Variants in UTP20 observed in about 807,000 individuals in gnomAD.
UTP20 encodes small subunit processome component 20 homolog.
UTP20 carries 164 observed loss-of-function variants against 329.5 expected under a neutral mutation model. That is an observed-to-expected ratio of 0.50 (90% CI 0.44 to 0.57). The LOEUF (loss-of-function observed/expected upper bound fraction) is 0.57, where lower values mean the gene tolerates loss of function less well. Among genes scored for constraint, UTP20 ranks in the 20% least tolerant of loss-of-function variants. The probability of loss-of-function intolerance (pLI) is 0.00; values close to 1 mark genes in which losing one functional copy is unlikely to be tolerated. For missense variants in UTP20, 3,055 were observed against 3,284.2 expected (o/e 0.93, Z 1.71); for synonymous variants, 1,151 against 1,159.3 (o/e 0.99, Z 0.14).
At chr12:101,297,737 T>C (rs1308079997) in intron 12 of UTP20, among the ~76,000 whole-genome samples, 1 of 152,182 alleles carries the variant, frequency 6.6e-6, no homozygotes, top group African/African-American at 2.4e-5. Flanking sequence ...ATGCCAAAAC[T>C]GAGTTCTGTG....
chr12:101,352,991 A>ATTT, intron 39 of UTP20, 56 bp from the exon 40 acceptor site: 1 of 1,089,656 alleles, frequency 9.2e-7, no homozygotes, highest in Non-Finnish European at 1.3e-6. Context: ...CTCCTTTTAT[A>ATTT]ATCCAGTGAT....
At chr12:101,383,728 C>T (rs753274420) in intron 60 of UTP20, 59 bp downstream of exon 60, 19 of 1,367,958 alleles carry the variant, frequency 1.4e-5, no homozygotes, top group Non-Finnish European at 1.7e-5. Flanking sequence ...AACTTCTCTC[C>T]TGAATGTTTC....
intron 55 of UTP20, 112 bp downstream of exon 55, chr12:101,375,051 T>C (rs1369212000): frequency 1.5e-6 from 1 of 661,146 alleles, no homozygotes; most frequent in African/African-American, 1.8e-5. Flanking sequence ...TTTATAGCTA[T>C]AGCTATTTAT....
intron 16 of UTP20, 31 bp downstream of exon 16, chr12:101,306,096 G>A (rs1002573527): frequency 1.3e-6 from 2 of 1,589,838 alleles, no homozygotes; most frequent in Non-Finnish European, 8.6e-7. Context: ...TGTGTCCTCA[G>A]TCTCTCTTCT....
rs191660664 is a variant in UTP20, at chr12:101,325,505, A to G, written c.3042-1576A>G. ...CACATGAATCAAGACGGTGGCACCA[A>G]ATTCTACTAGTCATTCTTCATTGCC... On this transcript the variant is annotated intron_variant, in intron 25 of 61. Coordinates refer to ENST00000261637, the MANE Select transcript of UTP20 (RefSeq NM_014503.3). 1.7e-3 allele frequency among the ~76,000 whole-genome samples: 261 copies of G among 152,352 alleles called. 2 individuals carry two copies. The highest frequency in any genetic ancestry group is 6.1e-3 in the African/African-American group (253 of 41,582).
intron 35 of UTP20, among the ~76,000 whole-genome samples, chr12:101,344,269 G>A (rs543778659): frequency 2.0e-5 from 3 of 152,268 alleles, no homozygotes; most frequent in East Asian, 3.9e-4. Flanking sequence ...AGTAATGACC[G>A]GATACTGAAT....
intron 47 of UTP20, among the ~76,000 whole-genome samples, chr12:101,367,417 C>G (rs1164440887): frequency 1.3e-5 from 2 of 152,184 alleles, no homozygotes; most frequent in Non-Finnish European, 1.5e-5. Flanking sequence ...GCTTCCCTTC[C>G]CATCTAGAAA....
intron 15 of UTP20, among the ~76,000 whole-genome samples, chr12:101,303,461 C>T (rs542229460): frequency 9.2e-5 from 14 of 152,196 alleles, no homozygotes; most frequent in African/African-American, 2.6e-4. Context: ...AAGCAGAAGG[C>T]GGAAAGCAGT....
intron 50 of UTP20, 127 bp downstream of exon 50, chr12:101,370,690 A>G: frequency 9.2e-7 from 1 of 1,085,892 alleles, no homozygotes; most frequent in Non-Finnish European, 1.3e-6. Flanking sequence ...AAAGATTATT[A>G]TGATTTTGGT....
intron 5 of UTP20, among the ~76,000 whole-genome samples, chr12:101,288,586 A>G (rs1056711719): frequency 6.6e-6 from 1 of 152,176 alleles, no homozygotes; most frequent in Non-Finnish European, 1.5e-5. Context: ...CCTCTTTTAG[A>G]TGGACCAGCC....
chr12:101,360,798 C>T (rs993220713), intron 43 of UTP20, among the ~76,000 whole-genome samples: 1 of 152,118 alleles, frequency 6.6e-6, no homozygotes, highest in African/African-American at 2.4e-5. Context: ...CACTGCACTC[C>T]AGCCTGGGTG....
intron 21 of UTP20, 103 bp downstream of exon 21, chr12:101,312,379 C>G: frequency 2.1e-6 from 3 of 1,459,104 alleles, no homozygotes; most frequent in Non-Finnish European, 2.7e-6. Context: ...TTTTTGCCTT[C>G]TTTCTTTCTG....
At chr12:101,311,658 A>G (rs1244669436) in intron 19 of UTP20, 61 bp from the exon 20 acceptor site, 5 of 1,339,600 alleles carry the variant, frequency 3.7e-6, no homozygotes, top group East Asian at 2.5e-5. Context: ...TTTTTTTTCT[A>G]TGAGCAATCT....
intron 54 of UTP20, among the ~76,000 whole-genome samples, chr12:101,374,201 C>T (rs1870398297): frequency 2.0e-5 from 3 of 150,120 alleles, no homozygotes; most frequent in Non-Finnish European, 4.4e-5. Flanking sequence ...CGCCACTGCA[C>T]TCCAGCCTGG....
At position 101,352,470 on chromosome 12, in the gene UTP20, G is replaced by A. The variant is rs35874909; in HGVS notation, c.5024+276G>A. ...TCTAGTTCTAGATCCCTGAGGAATC[G>A]CCACACTGACTTCCAAAAATGATGA... On this transcript the variant is annotated intron_variant, in intron 39 of 61. Coordinates refer to ENST00000261637, the MANE Select transcript of UTP20 (RefSeq NM_014503.3). 9.9e-3 allele frequency among the ~76,000 whole-genome samples: 1,500 copies of A among 152,244 alleles called. 21 individuals carry two copies. The highest frequency in any genetic ancestry group is 0.079 in the East Asian group (408 of 5,178).
At chr12:101,348,564 A>G (rs1869408157) in intron 38 of UTP20, among the ~76,000 whole-genome samples, 1 of 151,676 alleles carries the variant, frequency 6.6e-6, no homozygotes, top group African/African-American at 2.4e-5. Context: ...TTGCTTACAT[A>G]TTTGTAGTTT....
At chr12:101,312,409 C>A in intron 21 of UTP20, 133 bp downstream of exon 21, 1 of 1,280,216 alleles carries the variant, frequency 7.8e-7, no homozygotes, top group South Asian at 1.5e-5. Context: ...ATCCATTAGG[C>A]TGAGGTATTT....
chr12:101,321,989 CTTTA>C (rs1163778474), intron 25 of UTP20, among the ~76,000 whole-genome samples: 1 of 144,138 alleles, frequency 6.9e-6, no homozygotes, highest in African/African-American at 2.6e-5. Context: ...AAAGAAAGAT[CTTTA>C]TTTATTTTTT....
At chr12:101,299,138 A>G (rs1038456695) in intron 12 of UTP20, among the ~76,000 whole-genome samples, 2 of 152,240 alleles carry the variant, frequency 1.3e-5, no homozygotes, top group African/African-American at 4.8e-5. Flanking sequence ...GTTAGCCTCT[A>G]TCTAATCTGT....
Sources: allele counts gnomAD v4.1 joint callset (sites outside exome capture counted in the v4.1 genomes callset), GRCh38; gene constraint gnomAD v4.1.1; transcripts MANE v1.5; gene names NCBI Gene and HGNC (gene_info 2026-07-23, HGNC 2026-07-21).